Variants in NHSL3 observed in about 807,000 individuals in gnomAD.
NHSL3 encodes NHS-like protein 3.
the NHSL3 span, chr1:32,769,916 G>A: frequency 1.4e-5 from 22 of 1,607,958 alleles, no homozygotes; most frequent in Admixed American, 3.3e-5. Flanking sequence ...GGCACGCCCC[G>A]GGCTCCTGGT....
the NHSL3 span, chr1:32,767,996 C>T: frequency 1.6e-5 from 26 of 1,611,908 alleles, no homozygotes; most frequent in Middle Eastern, 1.6e-4. Flanking sequence ...CTCCTCCCTC[C>T]AGTGCTGCAC....
At chr1:32,747,191 TG>T in the NHSL3 span, among the ~76,000 whole-genome samples, 20 of 149,074 alleles carry the variant, frequency 1.3e-4, no homozygotes, top group South Asian at 2.1e-4. Flanking sequence ...TTTTTTGTTT[TG>T]TTTTGTTTTT....
the NHSL3 span, chr1:32,772,528 G>C: frequency 6.8e-7 from 1 of 1,476,664 alleles, no homozygotes. Flanking sequence ...TTTGTTCTTG[G>C]ATCTTTAACT....
chr1:32,754,682 A>G, the NHSL3 span, among the ~76,000 whole-genome samples: 1 of 152,128 alleles, frequency 6.6e-6, no homozygotes, highest in Non-Finnish European at 1.5e-5. Flanking sequence ...CCGGACTCGC[A>G]TTCAGGCTCA....
At chr1:32,747,405 C>T in the NHSL3 span, among the ~76,000 whole-genome samples, 1 of 152,016 alleles carries the variant, frequency 6.6e-6, no homozygotes, top group African/African-American at 2.4e-5. Flanking sequence ...GAACTCCTGA[C>T]CTCATGATCC....
At chr1:32,762,674 C>T in the NHSL3 span, among the ~76,000 whole-genome samples, 113 of 152,222 alleles carry the variant, frequency 7.4e-4, no homozygotes, top group African/African-American at 2.6e-3. Flanking sequence ...ACTGCAATCT[C>T]TGCCTCCCGG....
the NHSL3 span, among the ~76,000 whole-genome samples, chr1:32,755,221 G>C: frequency 6.6e-6 from 1 of 152,184 alleles, no homozygotes; most frequent in Non-Finnish European, 1.5e-5. Context: ...GCAGGGTGAT[G>C]GTACCATTCC....
chr1:32,771,061 TCTTCCCTCA>T, the NHSL3 span: 1 of 1,611,186 alleles, frequency 6.2e-7, no homozygotes, highest in Non-Finnish European at 8.5e-7. Context: ...CTCCGTCTCC[TCTTCCCTCA>T]CGTCTTTATG....
At chr1:32,765,718 G>T in the NHSL3 span, 18 of 1,544,962 alleles carry the variant, frequency 1.2e-5, no homozygotes, top group Admixed American at 3.9e-5. Context: ...CCCGCGCTCT[G>T]CTCTGGAGAG....
chr1:32,746,045 A>G, the NHSL3 span, among the ~76,000 whole-genome samples: 1 of 151,972 alleles, frequency 6.6e-6, no homozygotes, highest in East Asian at 1.9e-4. Context: ...CCTGGCTAAC[A>G]TGGTGAAACC....
the NHSL3 span, chr1:32,768,941 A>C: frequency 8.1e-6 from 7 of 864,338 alleles, no homozygotes; most frequent in South Asian, 2.0e-5. Flanking sequence ...ACTAACTATA[A>C]AGCAGTTAAG....
At chr1:32,746,291 A>G in the NHSL3 span, among the ~76,000 whole-genome samples, 1 of 152,074 alleles carries the variant, frequency 6.6e-6, no homozygotes, top group Non-Finnish European at 1.5e-5. Context: ...ACAGGAATCC[A>G]TATCTTCCAG....
the NHSL3 span, chr1:32,768,085 G>A: frequency 1.2e-6 from 2 of 1,614,054 alleles, no homozygotes; most frequent in Non-Finnish European, 1.7e-6. Context: ...GAACAAGGGT[G>A]GCTGGGACCA....
chr1:32,751,280 A>T, the NHSL3 span, among the ~76,000 whole-genome samples: 1 of 152,344 alleles, frequency 6.6e-6, no homozygotes, highest in East Asian at 1.9e-4. Context: ...ATCCTGGAGC[A>T]AGCACTGCCT....
At chr1:32,761,000 G>A in the NHSL3 span, among the ~76,000 whole-genome samples, 5 of 152,170 alleles carry the variant, frequency 3.3e-5, no homozygotes, top group African/African-American at 1.2e-4. Flanking sequence ...GAGCCCGCAG[G>A]TGTGCTTCCC....
At chr1:32,771,847 C>A in the NHSL3 span, 1 of 1,604,572 alleles carries the variant, frequency 6.2e-7, no homozygotes, top group Non-Finnish European at 8.5e-7. Context: ...GGTGCGGCTG[C>A]GCTCCGTGGG....
chr1:32,759,914 GT>G, the NHSL3 span, among the ~76,000 whole-genome samples: 1 of 152,222 alleles, frequency 6.6e-6, no homozygotes, highest in Non-Finnish European at 1.5e-5. Flanking sequence ...CTTGTTAGGT[GT>G]TCTGCGAGAC....
the NHSL3 span, among the ~76,000 whole-genome samples, chr1:32,761,656 C>T: frequency 1.3e-5 from 2 of 152,344 alleles, no homozygotes; most frequent in Admixed American, 1.3e-4. Context: ...AAGTACCTTC[C>T]AGTACCTGCC....
At chr1:32,746,086 CCAGGT>C in the NHSL3 span, among the ~76,000 whole-genome samples, 6 of 151,918 alleles carry the variant, frequency 3.9e-5, no homozygotes, top group Non-Finnish European at 8.8e-5. Flanking sequence ...AAAAAATTAG[CCAGGT>C]GTGGTGTCGG....
Sources: gnomAD v4.1 joint callset for allele counts (sites outside exome capture counted in the v4.1 genomes callset) on GRCh38, gnomAD v4.1.1 for gene constraint, MANE v1.5 for transcripts, NCBI Gene and HGNC (gene_info 2026-07-23, HGNC 2026-07-21) for gene names.